The following DPP10 variants were observed in gnomAD, a reference collection of about 807,000 sequenced individuals.
DPP10 encodes the protein inactive dipeptidyl peptidase 10.
DPP10 carries 33 observed loss-of-function variants against 120.9 expected under a neutral mutation model. That is an observed-to-expected ratio of 0.27 (90% CI 0.21 to 0.37). DPP10 has a LOEUF of 0.37. DPP10 is among the 10% of genes least tolerant of loss of function. The pLI is 1.00. For synonymous variants in DPP10, 337 were observed against 326.1 expected (o/e 1.03, Z -0.36); for missense variants, 816 against 942.8 (o/e 0.87, Z 1.76).
At chr2:115,294,228 A>G (rs557052258) in intron 1 of DPP10, among the ~76,000 whole-genome samples, 50 of 152,176 alleles carry the variant, frequency 3.3e-4, no homozygotes, top group South Asian at 2.3e-3. Context: ...AAAGGCAGTC[A>G]TGGTGTGGGT....
intron 1 of DPP10, among the ~76,000 whole-genome samples, chr2:114,681,476 A>C (rs1357172230): frequency 6.6e-6 from 1 of 151,986 alleles, no homozygotes; most frequent in Non-Finnish European, 1.5e-5. Context: ...TAGAGCCATA[A>C]GTTTACATGA....
At chr2:114,974,865 T>G (rs1699647453) in intron 1 of DPP10, among the ~76,000 whole-genome samples, 1 of 152,008 alleles carries the variant, frequency 6.6e-6, no homozygotes, top group Non-Finnish European at 1.5e-5. Context: ...TGTAAAATGA[T>G]AGTAAGAAAT....
At chr2:115,778,302 A>T (rs1331844051) in intron 15 of DPP10, among the ~76,000 whole-genome samples, 3 of 152,018 alleles carry the variant, frequency 2.0e-5, no homozygotes, top group Non-Finnish European at 4.4e-5. Context: ...TGTTCATAAA[A>T]CCCAGTGAGA....
intron 1 of DPP10, among the ~76,000 whole-genome samples, chr2:114,449,428 G>A (rs1339078518): frequency 6.6e-6 from 1 of 151,766 alleles, no homozygotes; most frequent in African/African-American, 2.4e-5. Flanking sequence ...CTCCAAACAG[G>A]CTTATTTCTT....
At chr2:115,079,908 A>C (rs1708126271) in intron 1 of DPP10, among the ~76,000 whole-genome samples, 1 of 152,226 alleles carries the variant, frequency 6.6e-6, no homozygotes, top group Admixed American at 6.5e-5. Flanking sequence ...TACAATTGGA[A>C]ACATTAAGGG....
intron 19 of DPP10, among the ~76,000 whole-genome samples, chr2:115,801,152 T>TC (rs1375383038): frequency 1.3e-5 from 2 of 151,822 alleles, no homozygotes; most frequent in African/African-American, 2.4e-5. Flanking sequence ...GTCCTTCACA[T>TC]CCCTTGTAAG....
intron 5 of DPP10, among the ~76,000 whole-genome samples, chr2:115,538,682 C>T (rs1308986247): frequency 6.6e-6 from 1 of 151,988 alleles, no homozygotes; most frequent in South Asian, 2.1e-4. Context: ...TTATTGGCCA[C>T]AGCTCAGTAT....
At chr2:115,702,714 G>A (rs2091942425) in intron 7 of DPP10, among the ~76,000 whole-genome samples, 1 of 152,042 alleles carries the variant, frequency 6.6e-6, no homozygotes, top group Non-Finnish European at 1.5e-5. Flanking sequence ...GGATCAGGGA[G>A]TGATAGCTAA....
intron 3 of DPP10, among the ~76,000 whole-genome samples, chr2:115,383,953 C>T (rs2066644972): frequency 6.6e-6 from 1 of 152,044 alleles, no homozygotes; most frequent in Non-Finnish European, 1.5e-5. Flanking sequence ...TAAGAAATAA[C>T]CAAATATAAA....
rs985420239 is a variant in DPP10, at chr2:115,679,293, G to A, written c.442-10394G>A. 5.3e-5 allele frequency among the ~76,000 whole-genome samples: 8 copies of A among 152,158 alleles called. No homozygotes were observed. In the South Asian group the frequency reaches 1.7e-3, roughly 32 times the overall value. On this transcript the variant is annotated intron_variant, in intron 5 of 25. Coordinates refer to ENST00000410059, the MANE Select transcript of DPP10 (RefSeq NM_020868.6). ...CCATAATCCCTACATGTCATAGGAG[G>A]GACCTGATGGGAGGTAATTGAATCA...
chr2:115,489,182 A>G (rs2075954616), intron 3 of DPP10, among the ~76,000 whole-genome samples: 1 of 152,112 alleles, frequency 6.6e-6, no homozygotes, highest in Non-Finnish European at 1.5e-5. Flanking sequence ...CAACTACTCA[A>G]CTATGCTGTT....
chr2:114,990,956 A>G (rs910606527), intron 1 of DPP10, among the ~76,000 whole-genome samples: 11 of 152,210 alleles, frequency 7.2e-5, no homozygotes, highest in African/African-American at 2.7e-4. Flanking sequence ...ATTTATAAAT[A>G]GCAAACAACA....
At chr2:115,502,479 A>C (rs2148800567) in intron 4 of DPP10, among the ~76,000 whole-genome samples, 1 of 152,254 alleles carries the variant, frequency 6.6e-6, no homozygotes, top group South Asian at 2.1e-4. Flanking sequence ...TTCAAACAAA[A>C]GCTCAGTCAC....
chr2:114,772,262 A>G (rs1356240398), intron 1 of DPP10, among the ~76,000 whole-genome samples: 1 of 151,824 alleles, frequency 6.6e-6, no homozygotes, highest in Non-Finnish European at 1.5e-5. Context: ...GATTCAAGCT[A>G]TTCTCCTGCC....
At chr2:115,054,484 C>T (rs1416455543) in intron 1 of DPP10, among the ~76,000 whole-genome samples, 2 of 152,264 alleles carry the variant, frequency 1.3e-5, no homozygotes, top group East Asian at 3.9e-4. Flanking sequence ...AAAAAAAGTG[C>T]ACTGTTGGGT....
chr2:114,876,961 T>C (rs1487547214), intron 1 of DPP10, among the ~76,000 whole-genome samples: 1 of 151,954 alleles, frequency 6.6e-6, no homozygotes, highest in Non-Finnish European at 1.5e-5. Context: ...GTCATCAGGT[T>C]AATTTGCTAT....
intron 1 of DPP10, among the ~76,000 whole-genome samples, chr2:115,090,689 A>ATTTT (rs10650818): frequency 0.012 from 1,828 of 151,864 alleles, 14 homozygotes; most frequent in Middle Eastern, 0.044. Flanking sequence ...TTTCTGGACG[A>ATTTT]TTTTTTTGGT....
intron 3 of DPP10, among the ~76,000 whole-genome samples, chr2:115,371,987 T>C (rs2065439809): frequency 6.6e-6 from 1 of 152,148 alleles, no homozygotes; most frequent in South Asian, 2.1e-4. Context: ...CCCTTACAGT[T>C]CTAACAGGGA....
intron 1 of DPP10, among the ~76,000 whole-genome samples, chr2:114,761,438 A>G (rs575815702): frequency 2.0e-5 from 3 of 152,280 alleles, no homozygotes; most frequent in African/African-American, 7.2e-5. Context: ...CCTCTTAAAG[A>G]GACTCGCTCG....
Sources: gnomAD v4.1 joint callset for allele counts (sites outside exome capture counted in the v4.1 genomes callset) on GRCh38, gnomAD v4.1.1 for gene constraint, MANE v1.5 for transcripts, NCBI Gene and HGNC (gene_info 2026-07-23, HGNC 2026-07-21) for gene names.